The following ANK2 variants were observed in gnomAD, a reference collection of about 807,000 sequenced individuals.
The protein encoded by ANK2 is ankyrin-2.
Under a neutral mutation model 360.5 loss-of-function variants are expected in ANK2, and 83 were observed. The ratio of observed to expected loss-of-function variants is 0.23; its 90% CI spans 0.19 to 0.28. ANK2 has a LOEUF of 0.28. Ranked by LOEUF, ANK2 falls within the 10% of genes least tolerant of loss-of-function variation. The pLI, the probability that ANK2 is intolerant of heterozygous loss-of-function variation, is 1.00. For synonymous variants in ANK2, 1,740 were observed against 1,759.5 expected (o/e 0.99, Z 0.28); for missense variants, 4,201 against 4,795.7 (o/e 0.88, Z 3.66).
At chr4:113,154,121 A>T (rs1025238002) in intron 1 of ANK2, among the ~76,000 whole-genome samples, 3 of 152,216 alleles carry the variant, frequency 2.0e-5, no homozygotes, top group Non-Finnish European at 4.4e-5. Flanking sequence ...GGAATGGAGG[A>T]TACTCTGCCA....
the ANK2 span, among the ~76,000 whole-genome samples, chr4:112,764,707 C>CTTTT: frequency 4.7e-4 from 62 of 132,948 alleles, no homozygotes; most frequent in African/African-American, 1.6e-3. Flanking sequence ...GAAAAGTTAT[C>CTTTT]TTTTTTTTTT....
At chr4:113,309,404 C>T (rs2078777427) in intron 23 of ANK2, among the ~76,000 whole-genome samples, 1 of 152,174 alleles carries the variant, frequency 6.6e-6, no homozygotes, top group African/African-American at 2.4e-5. Context: ...CAGCCTTAGG[C>T]AGATAGCATC....
At chr4:113,086,327 T>A (rs2084740622) in intron 1 of ANK2, among the ~76,000 whole-genome samples, 1 of 152,196 alleles carries the variant, frequency 6.6e-6, no homozygotes, top group African/African-American at 2.4e-5. Flanking sequence ...CAATTAAAAA[T>A]TCGAAAAGAG....
intron 1 of ANK2, chr4:113,141,161 G>A (rs2096622706): frequency 6.6e-6 from 1 of 152,168 alleles, no homozygotes; most frequent in African/African-American, 2.4e-5. Flanking sequence ...AGATGTGGCA[G>A]GGTGTAAGTG....
the ANK2 span, among the ~76,000 whole-genome samples, chr4:112,743,143 T>C: frequency 6.6e-6 from 1 of 152,216 alleles, no homozygotes; most frequent in Admixed American, 6.5e-5. Context: ...TAGCTTCTTC[T>C]ACAGGCTGAC....
In ANK2 at chr4:113,149,723, A is replaced by G. The variant is rs191703707; in HGVS notation, c.85-24693A>G. Among the ~76,000 whole-genome samples the G allele has an allele frequency of 2.0e-3, 300 of 151,802 alleles. 2 individuals carry two copies. The highest frequency in any genetic ancestry group is 6.0e-3 in the African/African-American group (247 of 41,418). ...GACCCTGTTTCTACAAAAAAATACAAAAATTAGCTGGGTGTGGTGGCACAC... is the reference window on the plus strand; with the variant it reads ...GACCCTGTTTCTACAAAAAAATACAGAAATTAGCTGGGTGTGGTGGCACAC... On this transcript the variant is annotated intron_variant, in intron 1 of 45. Transcript: ENST00000357077.
At position 113,107,277 on chromosome 4, in the gene ANK2, C is replaced by T. The variant is rs559392891; in HGVS notation, c.84+57465C>T. Among the ~76,000 whole-genome samples the T allele has an allele frequency of 9.2e-5, 14 of 152,122 alleles. No homozygotes were observed. The South Asian group carries it at 1.5e-3, about 16-fold the overall frequency. On this transcript the variant is annotated intron_variant, in intron 1 of 45. Coordinates refer to ENST00000357077, the MANE Select transcript of ANK2 (RefSeq NM_001148.6). The stretch of plus-strand genomic sequence containing the variant: ...TGTTGCCCAGGTTGGAGTGCAGTAG[C>T]GTGATAACGGCTCACTGCAACCTCA...
Position 113,369,665 on chromosome 4 carries a change from C to G in ANK2, c.11470C>G (p.Pro3824Ala), listed in dbSNP as rs747961230. The change falls in exon 43 of 46, where the codon CCC (proline) becomes GCC (alanine). Residue 3824 changes from proline (P) to alanine (A), a missense_variant. By Grantham distance (27) the Pro-to-Ala change is conservative. This residue lies in a region of ANK2 where 2,642 missense variants were observed against 2,714.5 expected (regional missense o/e 0.97). Transcript: ENST00000357077. ...AACATCCAGCGAGCGGGGAGGCTCTCCCATCATACAAGAACCCGAAGAGCC... is the reference window on the plus strand; with the variant it reads ...AACATCCAGCGAGCGGGGAGGCTCTGCCATCATACAAGAACCCGAAGAGCC... ...TPTSSERGGS[P>A]IIQEPEEPSE... The G allele has an allele frequency of 1.1e-5, 17 of 1,614,102 alleles. No individual in the cohort carries two copies. In the Admixed American group the frequency reaches 2.8e-4, roughly 27 times the overall value.
chr4:112,911,152 T>C (rs1291695196), intron 2 of ANK2, among the ~76,000 whole-genome samples: 2 of 147,128 alleles, frequency 1.4e-5, no homozygotes, highest in Non-Finnish European at 3.0e-5. Context: ...GAGACTTTAG[T>C]AGAGACGGGG....
At chr4:113,165,138 A>G (rs1174071543) in intron 1 of ANK2, among the ~76,000 whole-genome samples, 2 of 152,182 alleles carry the variant, frequency 1.3e-5, no homozygotes, top group Admixed American at 6.5e-5. Flanking sequence ...GTTGACTTTT[A>G]GATGCTGGCA....
At chr4:112,864,921 A>G (rs1001914935) in intron 1 of ANK2, among the ~76,000 whole-genome samples, 8 of 151,344 alleles carry the variant, frequency 5.3e-5, no homozygotes, top group African/African-American at 1.2e-4. Flanking sequence ...AGCTCCAGCT[A>G]CTTGGGAGGC....
chr4:112,946,107 T>C (rs936730768), intron 2 of ANK2, among the ~76,000 whole-genome samples: 1 of 152,176 alleles, frequency 6.6e-6, no homozygotes, highest in African/African-American at 2.4e-5. Flanking sequence ...TGGGCTCAGG[T>C]TCCAGAAACT....
chr4:113,367,736 A>G lies in ANK2; in HGVS notation c.11203A>G (p.Ser3735Gly). The change falls in exon 42 of 46, where the codon AGC (serine) becomes GGC (glycine). Residue 3735 changes from serine to glycine, a missense_variant. By Grantham distance (56) the Ser-to-Gly change is moderately conservative. Coordinates refer to ENST00000357077, the MANE Select transcript of ANK2 (RefSeq NM_001148.6). The part of the protein sequence containing the change: ...QDGVPKTEGD[S>G]SATALFPQTH... ...TGGCGTCCCCAAAACTGAGGGGGAC[A>G]GCTCAGCAACAGCACTCTTTCCCCA... 1.2e-6 allele frequency: 2 copies of G among 1,614,078 alleles called. No homozygotes were observed. The highest frequency in any genetic ancestry group is 4.5e-5 in the East Asian group (2 of 44,854).
intron 17 of ANK2, among the ~76,000 whole-genome samples, chr4:113,279,242 A>C (rs1041649760): frequency 2.0e-5 from 3 of 152,196 alleles, no homozygotes; most frequent in Non-Finnish European, 4.4e-5. Flanking sequence ...TTGAGAACAC[A>C]TCAGGGTTTA....
chr4:113,240,493 T>C lies in ANK2; in HGVS notation c.702T>C (p.Phe234=). The change falls in exon 8 of 46, where the codon TTT becomes TTC. Residue 234 remains phenylalanine, a synonymous_variant. Transcript: ENST00000357077. ...MMVNRTTESG[F]TPLHIAAHYG... is the part of the protein sequence containing the mutation. ...TATCTTTGCTTTCATAGAGTGGTTTTACCCCTTTGCACATAGCTGCACATT... is the reference window on the plus strand; with the variant it reads ...TATCTTTGCTTTCATAGAGTGGTTTCACCCCTTTGCACATAGCTGCACATT... 4 of 1,613,750 alleles carry C rather than the reference T, an allele frequency of 2.5e-6. No individual in the cohort carries two copies. Among genetic ancestry groups the C allele is most frequent in the Non-Finnish European group, 3.4e-6 (4 of 1,179,664 alleles).
chr4:113,067,134 C>G (rs905803985), intron 1 of ANK2, among the ~76,000 whole-genome samples: 1 of 42,414 alleles, frequency 2.4e-5, no homozygotes, highest in Admixed American at 2.8e-4. Context: ...GAAAACATGG[C>G]GAGATGTTTT....
the ANK2 span, among the ~76,000 whole-genome samples, chr4:112,758,950 T>C: frequency 6.6e-6 from 1 of 152,186 alleles, no homozygotes; most frequent in East Asian, 1.9e-4. Flanking sequence ...AACATAGTTA[T>C]CTAGTGCAGA....
chr4:113,356,540 G>T lies in ANK2; in HGVS notation c.7922G>T (p.Gly2641Val). 1 of 1,614,110 alleles carries T rather than the reference G, an allele frequency of 6.2e-7. No individual in the cohort carries two copies. The highest frequency in any genetic ancestry group is 8.5e-7 in the Non-Finnish European group (1 of 1,179,986). The change falls in exon 38 of 46, where the codon GGC (glycine) becomes GTC (valine). Residue 2641 changes from glycine to valine, a missense_variant. Gly to Val is a moderately radical substitution (Grantham distance 109). This residue lies in a region of ANK2 where 2,642 missense variants were observed against 2,714.5 expected (regional missense o/e 0.97). Coordinates refer to ENST00000357077, the MANE Select transcript of ANK2 (RefSeq NM_001148.6). ...GATGTGGATGAACCAAAACATACAG[G>T]CAGTGGGGAGGATGAAAGTGGTGTC... is the stretch of plus-strand genomic sequence containing the variant. ...SVDVDEPKHT[G>V]SGEDESGVPV...
intron 1 of ANK2, among the ~76,000 whole-genome samples, chr4:113,121,676 T>G (rs76856469): frequency 0.017 from 2,589 of 152,276 alleles, 78 homozygotes; most frequent in African/African-American, 0.06. Context: ...CAAATCTACT[T>G]TTATTAAACT....
Sources: allele counts gnomAD v4.1 joint callset (sites outside exome capture counted in the v4.1 genomes callset), GRCh38; gene constraint gnomAD v4.1.1; regional missense constraint gnomAD v4.1.1; transcripts MANE v1.5; gene names NCBI Gene and HGNC (gene_info 2026-07-23, HGNC 2026-07-21).